The following SOX5 variants were observed in gnomAD, a reference collection of about 807,000 sequenced individuals.
SOX5 encodes transcription factor SOX-5.
SOX5 carries 9 observed loss-of-function variants against 92.0 expected under a neutral mutation model. The observed-to-expected ratio is 0.10, with a 90% CI of 0.06 to 0.17. The LOEUF (loss-of-function observed/expected upper bound fraction) is 0.17, where lower values mean the gene tolerates loss of function less well. Ranked by LOEUF, SOX5 falls within the 10% of genes least tolerant of loss-of-function variation. The probability of loss-of-function intolerance (pLI) is 1.00; values close to 1 mark genes in which losing one functional copy is unlikely to be tolerated. For missense variants in SOX5, 642 were observed against 944.5 expected (o/e 0.68, Z 4.20); for synonymous variants, 344 against 336.3 (o/e 1.02, Z -0.25).
intron 4 of SOX5, among the ~76,000 whole-genome samples, chr12:24,033,944 G>C (rs1399806641): frequency 6.6e-6 from 1 of 152,018 alleles, no homozygotes; most frequent in Non-Finnish European, 1.5e-5. Flanking sequence ...TCTGAAGACA[G>C]CGTTTTTTAT....
At chr12:23,709,514 A>T (rs534049273) in intron 6 of SOX5, among the ~76,000 whole-genome samples, 1 of 152,312 alleles carries the variant, frequency 6.6e-6, no homozygotes, top group East Asian at 1.9e-4. Context: ...CAATATTCTC[A>T]CAATTCAGAT....
At chr12:23,673,832 A>G (rs954473043) in intron 6 of SOX5, among the ~76,000 whole-genome samples, 11 of 152,074 alleles carry the variant, frequency 7.2e-5, no homozygotes, top group African/African-American at 2.2e-4. Flanking sequence ...ATGTTCTGGA[A>G]TTAGTAGTGA....
intron 1 of SOX5, among the ~76,000 whole-genome samples, chr12:23,933,374 G>A (rs572896042): frequency 6.6e-6 from 1 of 151,772 alleles, no homozygotes; most frequent in African/African-American, 2.4e-5. Context: ...GGGTTGTGGA[G>A]CATGTCTCTT....
At chr12:23,614,728 T>C (rs988802934) in intron 8 of SOX5, among the ~76,000 whole-genome samples, 2 of 152,204 alleles carry the variant, frequency 1.3e-5, no homozygotes, top group Non-Finnish European at 2.9e-5. Context: ...CTAAGGAAAT[T>C]GTCAGACTTT....
chr12:23,693,777 T>C (rs1022286639), intron 6 of SOX5, among the ~76,000 whole-genome samples: 1 of 152,216 alleles, frequency 6.6e-6, no homozygotes, highest in African/African-American at 2.4e-5. Context: ...TTGCCTCATA[T>C]AGTTTTTATT....
chr12:23,584,728 TGA>T (rs1175265632), intron 9 of SOX5: 17 of 635,688 alleles, frequency 2.7e-5, no homozygotes, highest in Middle Eastern at 3.4e-4. Flanking sequence ...AGGACAGGTG[TGA>T]GTGTGTGTGT....
At chr12:24,094,736 T>G (rs886542710) in intron 4 of SOX5, among the ~76,000 whole-genome samples, 8 of 152,138 alleles carry the variant, frequency 5.3e-5, no homozygotes, top group Non-Finnish European at 1.0e-4. Context: ...ACCCATACTT[T>G]CCCCACCGGC....
intron 2 of SOX5, among the ~76,000 whole-genome samples, chr12:23,893,264 G>A (rs961850050): frequency 2.0e-5 from 3 of 152,110 alleles, no homozygotes; most frequent in Non-Finnish European, 2.9e-5. Flanking sequence ...TGGCCAACAT[G>A]GTGAAACCCT....
intron 4 of SOX5, among the ~76,000 whole-genome samples, chr12:24,118,609 C>A (rs1948308073): frequency 6.6e-6 from 1 of 151,966 alleles, no homozygotes; most frequent in South Asian, 2.1e-4. Context: ...CTCTATTCAT[C>A]AGTAATTGTA....
At chr12:24,341,280 C>T (rs748080520) in intron 2 of SOX5, among the ~76,000 whole-genome samples, 9 of 152,114 alleles carry the variant, frequency 5.9e-5, no homozygotes, top group Non-Finnish European at 1.2e-4. Context: ...GGTTCAAGAC[C>T]AGCCTGGGCA....
intron 3 of SOX5, among the ~76,000 whole-genome samples, chr12:24,259,412 T>A (rs1309504798): frequency 6.6e-6 from 1 of 152,224 alleles, no homozygotes; most frequent in East Asian, 1.9e-4. Flanking sequence ...CAATGCATTG[T>A]TTACTGAGTA....
intron 4 of SOX5, among the ~76,000 whole-genome samples, chr12:24,170,884 G>A (rs947627463): frequency 3.9e-5 from 6 of 152,092 alleles, no homozygotes; most frequent in African/African-American, 1.4e-4. Context: ...CTACAACATC[G>A]TTATAAATTC....
intron 7 of SOX5, among the ~76,000 whole-genome samples, chr12:23,662,515 A>T (rs925625079): frequency 6.6e-6 from 1 of 152,204 alleles, no homozygotes; most frequent in Non-Finnish European, 1.5e-5. Context: ...AATGATATAC[A>T]TTCTAGTACT....
At chr12:23,617,026 G>A (rs2076636852) in intron 8 of SOX5, among the ~76,000 whole-genome samples, 2 of 151,594 alleles carry the variant, frequency 1.3e-5, no homozygotes, top group Non-Finnish European at 2.9e-5. Context: ...TTAGGATGCT[G>A]AGACAGGGGG....
chr12:23,748,262 G>A (rs547744063), intron 4 of SOX5, among the ~76,000 whole-genome samples: 125 of 151,874 alleles, frequency 8.2e-4, no homozygotes, highest in Non-Finnish European at 1.5e-3. Flanking sequence ...TAACAACATA[G>A]TGGATACCTT....
intron 1 of SOX5, 35 bp from the exon 2 acceptor site, chr12:23,896,059 C>T: frequency 7.0e-7 from 1 of 1,420,054 alleles, no homozygotes; most frequent in Non-Finnish European, 9.9e-7. Context: ...ATAATGAAAC[C>T]TCCACATAAA....
chr12:24,349,112 G>A lies in SOX5; in HGVS notation c.-174+19451C>T, dbSNP rs528693001. ...TTTCTCAACTGACGGATTTAGATTT[G>A]TGGATCCCTCTGTCTGGAGATATTT... On this transcript the variant is annotated intron_variant, in intron 2 of 4. Transcript: ENST00000446891. 1.3e-3 allele frequency among the ~76,000 whole-genome samples: 199 copies of A among 152,270 alleles called. 1 individual carries two copies. The highest frequency in any genetic ancestry group is 2.5e-3 in the Non-Finnish European group (171 of 68,018).
intron 1 of SOX5, among the ~76,000 whole-genome samples, chr12:23,922,093 G>C (rs1021351072): frequency 8.5e-5 from 13 of 152,098 alleles, no homozygotes; most frequent in South Asian, 8.3e-4. Context: ...ACTTTTTTCA[G>C]GGAGGAATAA....
chr12:24,205,430 G>T (rs1594245116), intron 4 of SOX5, among the ~76,000 whole-genome samples: 1 of 152,026 alleles, frequency 6.6e-6, no homozygotes, highest in Non-Finnish European at 1.5e-5. Flanking sequence ...TACAAGGCTC[G>T]TGTTATTCTT....
Sources: allele counts gnomAD v4.1 joint callset (sites outside exome capture counted in the v4.1 genomes callset), GRCh38; gene constraint gnomAD v4.1.1; transcripts MANE v1.5; gene names NCBI Gene and HGNC (gene_info 2026-07-23, HGNC 2026-07-21).